Variants in LRRC4C observed in about 807,000 individuals in gnomAD.
LRRC4C encodes leucine rich repeat containing 4C.
Under a neutral mutation model 33.6 loss-of-function variants are expected in LRRC4C, and 5 were observed. The ratio of observed to expected loss-of-function variants is 0.15; its 90% confidence interval spans 0.08 to 0.31. The LOEUF (loss-of-function observed/expected upper bound fraction) is 0.31, where lower values mean the gene tolerates loss of function less well. Ranked by LOEUF, LRRC4C falls within the 10% of genes least tolerant of loss-of-function variation. The pLI, the probability that LRRC4C is intolerant of heterozygous loss-of-function variation, is 1.00. For missense variants in LRRC4C, 560 were observed against 796.7 expected (o/e 0.70, Z 3.58); for synonymous variants, 329 against 302.0 (o/e 1.09, Z -0.93).
At chr11:41,409,217 A>G (rs967048948) in intron 1 of LRRC4C, among the ~76,000 whole-genome samples, 1 of 152,224 alleles carries the variant, frequency 6.6e-6, no homozygotes, top group African/African-American at 2.4e-5. Flanking sequence ...CTGCTAGATC[A>G]TTACATTTTT....
intron 1 of LRRC4C, among the ~76,000 whole-genome samples, chr11:41,407,598 G>A (rs1027694418): frequency 5.3e-5 from 8 of 151,974 alleles, no homozygotes; most frequent in African/African-American, 1.9e-4. Flanking sequence ...CACTGTTCTC[G>A]GCCCAAAGTT....
chr11:40,654,448 A>T (rs1436906963), intron 2 of LRRC4C, among the ~76,000 whole-genome samples: 1 of 152,068 alleles, frequency 6.6e-6, no homozygotes, highest in East Asian at 1.9e-4. Flanking sequence ...CTCATTTTGG[A>T]AGTTTAAGGT....
intron 1 of LRRC4C, among the ~76,000 whole-genome samples, chr11:41,098,135 T>TG (rs1191179913): frequency 6.6e-6 from 1 of 152,028 alleles, no homozygotes; most frequent in Admixed American, 6.6e-5. Context: ...GACACTAACA[T>TG]GGGGGGCTGC....
At chr11:40,287,624 T>A (rs1246509733) in intron 4 of LRRC4C, among the ~76,000 whole-genome samples, 1 of 152,192 alleles carries the variant, frequency 6.6e-6, no homozygotes, top group Admixed American at 6.5e-5. Flanking sequence ...AAAAATTATT[T>A]TGAAGAAATG....
chr11:40,525,830 C>T (rs1956025397), intron 3 of LRRC4C, among the ~76,000 whole-genome samples: 2 of 151,774 alleles, frequency 1.3e-5, no homozygotes, highest in African/African-American at 4.8e-5. Flanking sequence ...TCCCAGATAT[C>T]GAGATTGATT....
At chr11:40,645,054 C>G (rs1005163175) in intron 3 of LRRC4C, among the ~76,000 whole-genome samples, 8 of 151,982 alleles carry the variant, frequency 5.3e-5, no homozygotes, top group African/African-American at 1.9e-4. Context: ...TGTATCTCTA[C>G]TGCACGGCAA....
At chr11:40,273,566 T>G (rs1942868630) in intron 4 of LRRC4C, among the ~76,000 whole-genome samples, 2 of 152,304 alleles carry the variant, frequency 1.3e-5, no homozygotes, top group South Asian at 4.1e-4. Context: ...AGAAAAGGCC[T>G]CTTTACGATG....
At chr11:40,341,158 T>C (rs1336258378) in intron 3 of LRRC4C, among the ~76,000 whole-genome samples, 1 of 152,220 alleles carries the variant, frequency 6.6e-6, no homozygotes, top group African/African-American at 2.4e-5. Flanking sequence ...TTAAAATGTA[T>C]GAACTATAAA....
At chr11:41,096,352 C>T (rs561995504) in intron 1 of LRRC4C, among the ~76,000 whole-genome samples, 42 of 152,034 alleles carry the variant, frequency 2.8e-4, no homozygotes, top group Non-Finnish European at 4.1e-4. Flanking sequence ...AAAAAATACA[C>T]CACCAATTAA....
At chr11:41,248,383 A>G (rs1375457096) in intron 1 of LRRC4C, among the ~76,000 whole-genome samples, 1 of 152,150 alleles carries the variant, frequency 6.6e-6, no homozygotes, top group African/African-American at 2.4e-5. Flanking sequence ...ACTCTTCTTC[A>G]TTTTGAAATG....
intron 5 of LRRC4C, among the ~76,000 whole-genome samples, chr11:40,212,785 C>T (rs1254662500): frequency 6.6e-6 from 1 of 152,196 alleles, no homozygotes; most frequent in Non-Finnish European, 1.5e-5. Flanking sequence ...TCAATACCGA[C>T]GTCAAGATTG....
chr11:41,114,879 T>C (rs1231110092), intron 1 of LRRC4C, among the ~76,000 whole-genome samples: 1 of 151,956 alleles, frequency 6.6e-6, no homozygotes, highest in Non-Finnish European at 1.5e-5. Context: ...AGTAAATAAG[T>C]TTTTCAAAAG....
At chr11:41,227,005 T>C (rs910682143) in intron 1 of LRRC4C, among the ~76,000 whole-genome samples, 1 of 151,958 alleles carries the variant, frequency 6.6e-6, no homozygotes, top group African/African-American at 2.4e-5. Context: ...CTTGCATCTT[T>C]CTGGCCAGAC....
intron 3 of LRRC4C, among the ~76,000 whole-genome samples, chr11:40,457,276 GAAGA>G (rs1952182970): frequency 6.6e-6 from 1 of 151,986 alleles, no homozygotes; most frequent in East Asian, 1.9e-4. Context: ...ATATTTTTAA[GAAGA>G]AAGTATACCC....
chr11:40,603,670 G>T (rs1960256935), intron 3 of LRRC4C, among the ~76,000 whole-genome samples: 1 of 152,068 alleles, frequency 6.6e-6, no homozygotes, highest in Non-Finnish European at 1.5e-5. Flanking sequence ...TGGCAGAAAG[G>T]GTCTTCACTG....
intron 4 of LRRC4C, among the ~76,000 whole-genome samples, chr11:40,277,490 G>C (rs1487404251): frequency 6.6e-6 from 1 of 152,086 alleles, no homozygotes; most frequent in Non-Finnish European, 1.5e-5. Flanking sequence ...ATAAAAAGCG[G>C]TGAGGTTAAG....
chr11:40,359,046 T>G (rs1031382863), intron 3 of LRRC4C, among the ~76,000 whole-genome samples: 2 of 152,088 alleles, frequency 1.3e-5, no homozygotes, highest in African/African-American at 2.4e-5. Context: ...TTTAACAAAA[T>G]AGTCAATCTG....
chr11:40,893,745 T>C (rs1320547462), intron 2 of LRRC4C, among the ~76,000 whole-genome samples: 1 of 151,994 alleles, frequency 6.6e-6, no homozygotes, highest in African/African-American at 2.4e-5. Flanking sequence ...CTATAATATA[T>C]ATGACTTCAG....
intron 5 of LRRC4C, among the ~76,000 whole-genome samples, chr11:40,234,226 G>A (rs1865399966): frequency 6.6e-6 from 1 of 152,122 alleles, no homozygotes; most frequent in Admixed American, 6.5e-5. Context: ...ACAATGCAAG[G>A]CACAATGCTA....
Sources: allele counts gnomAD v4.1 joint callset (sites outside exome capture counted in the v4.1 genomes callset), GRCh38; gene constraint gnomAD v4.1.1; transcripts MANE v1.5; gene names NCBI Gene and HGNC (gene_info 2026-07-23, HGNC 2026-07-21).